Variants in YES1 observed in about 807,000 individuals in gnomAD.
YES1 encodes the protein YES proto-oncogene 1, Src family tyrosine kinase.
A neutral mutation model predicts 70.4 loss-of-function variants in YES1; 39 were observed. The ratio of observed to expected loss-of-function variants is 0.55; its 90% confidence interval spans 0.43 to 0.72. YES1 has a LOEUF of 0.72. Ranked by LOEUF, YES1 falls within the 30% of genes least tolerant of loss-of-function variation. The probability of loss-of-function intolerance (pLI) is 0.00; values close to 1 mark genes in which losing one functional copy is unlikely to be tolerated. For missense variants in YES1, 495 were observed against 644.8 expected, an observed-to-expected ratio of 0.77 and a Z score of 2.52; for synonymous variants, 198 against 218.6, an observed-to-expected ratio of 0.91 and a Z score of 0.83.
At position 751,822 on chromosome 18, in the gene YES1, G is replaced by T; in HGVS notation, c.272-18C>A. 2 of 1,377,278 alleles carry T rather than the reference G, an allele frequency of 1.5e-6. No homozygotes were observed. Among genetic ancestry groups the T allele is most frequent in the South Asian group, 1.2e-5 (1 of 80,918 alleles). The allele number at this position is 1,377,278 out of a possible 1,614,324, so 85.3% of individuals were successfully genotyped here. A position where few individuals can be genotyped will look rare whatever the true frequency, so the allele number is the denominator to read the frequency against. ...AACACCACCTATCAGAGGGAAAAAA[G>T]ACCAAGGTAAATTATGTAGCTAACT... On this transcript the variant is annotated intron_variant, in intron 2 of 11. Coordinates refer to ENST00000314574, the MANE Select transcript of YES1 (RefSeq NM_005433.4).
At chr18:757,597 G>T (rs1468765046) in intron 1 of YES1, among the ~76,000 whole-genome samples, 1 of 151,712 alleles carries the variant, frequency 6.6e-6, no homozygotes, top group South Asian at 2.1e-4. Context: ...TAGGCGGACC[G>T]ATCACTTGAG....
At chr18:732,520 G>A (rs966844851) in intron 11 of YES1, among the ~76,000 whole-genome samples, 1 of 151,518 alleles carries the variant, frequency 6.6e-6, no homozygotes, top group Non-Finnish European at 1.5e-5. Context: ...GATGAGCCAG[G>A]ATATTTAAGA....
At chr18:754,404 A>T (rs1398466881) in intron 2 of YES1, among the ~76,000 whole-genome samples, 1 of 151,986 alleles carries the variant, frequency 6.6e-6, no homozygotes, top group Non-Finnish European at 1.5e-5. Flanking sequence ...GGTCATTCTC[A>T]CTTATCAAAT....
chr18:745,966 C>G lies in YES1; in HGVS notation c.556G>C (p.Glu186Gln). The stretch of plus-strand genomic sequence containing the variant: ...TTCATACCTTTAGTTGTTTCACTCT[C>G]TCTTACTAAGAAAATACCTCGTTGA... ...GNQRGIFLVRESETTKGAYSL... is the reference protein window; with the variant it reads ...GNQRGIFLVRQSETTKGAYSL... The change falls in exon 5 of 12, where the codon GAG becomes CAG. Residue 186 changes from glutamate (E) to glutamine (Q), a missense_variant. By Grantham distance (29) the Glu-to-Gln change is conservative. This residue lies in a region of YES1 where 385 missense variants were observed against 540.9 expected (regional missense o/e 0.71). Coordinates refer to ENST00000314574, the MANE Select transcript of YES1 (RefSeq NM_005433.4). 2 of 1,612,734 alleles carry G rather than the reference C, an allele frequency of 1.2e-6. No homozygotes were observed. The highest frequency in any genetic ancestry group is 1.7e-6 in the Non-Finnish European group (2 of 1,179,266).
rs199707539 is a variant in YES1, at chr18:736,830, G to T, written c.1269C>A (p.Asp423Glu). ...ADFGLARLIE[D>E]NEYTARQGAK... ...TACCTTGTCTTGCTGTGTATTCATT[G>T]TCTTCAATTAACCTTGCTAAACCAA... Residue 423 changes from aspartate (D) to glutamate (E), a missense_variant, in exon 10 of 12, where the codon GAC becomes GAA. By Grantham distance (45) the Asp-to-Glu change is conservative (BLOSUM62 2). Transcript: ENST00000314574. 1 of 1,611,758 alleles carries T rather than the reference G, an allele frequency of 6.2e-7. No homozygotes were observed. Among genetic ancestry groups the T allele is most frequent in the East Asian group, 2.2e-5 (1 of 44,820 alleles).
At chr18:734,201 C>A (rs532497487) in intron 10 of YES1, among the ~76,000 whole-genome samples, 3 of 151,268 alleles carry the variant, frequency 2.0e-5, no homozygotes, top group Admixed American at 6.6e-5. Flanking sequence ...ATTGCTTGAA[C>A]CTGGGGGGCA....
chr18:743,078 C>G lies in YES1; in HGVS notation c.900G>C (p.Thr300=). The change falls in exon 8 of 12, where the codon ACG becomes ACC. Residue 300 remains threonine, a synonymous_variant. Transcript: ENST00000314574. ...EVWMGTWNGT[T]KVAIKTLKPG... Reference sequence around the variant, plus strand: ...GTTTTAGTGTTTTGATTGCTACTTTCGTGGTTCCATTCCATGTTCCTAAAG... The same window carrying G: ...GTTTTAGTGTTTTGATTGCTACTTTGGTGGTTCCATTCCATGTTCCTAAAG... 6.3e-7 allele frequency: 1 copy of G among 1,596,928 alleles called. No homozygotes were observed. Among genetic ancestry groups the G allele is most frequent in the Non-Finnish European group, 8.5e-7 (1 of 1,175,352 alleles).
At chr18:789,963 CAGG>C (rs1906158494) in intron 1 of YES1, among the ~76,000 whole-genome samples, 1 of 152,158 alleles carries the variant, frequency 6.6e-6, no homozygotes, top group Admixed American at 6.5e-5. Context: ...GAGGCTGAGG[CAGG>C]AGAACTGCTT....
At chr18:754,784 C>A (rs62088299) in intron 2 of YES1, among the ~76,000 whole-genome samples, 13,379 of 151,850 alleles carry the variant, frequency 0.088, 743 homozygotes, top group East Asian at 0.27. Context: ...AACTGCAGGG[C>A]CTTCACCATC....
Position 742,922 on chromosome 18 carries a change from T to C in YES1, c.1056A>G (p.Ser352=), listed in dbSNP as rs2080232084. The change falls in exon 8 of 12, where the codon TCA becomes TCG. Residue 352 remains serine (S), a synonymous_variant. Coordinates refer to ENST00000314574, the MANE Select transcript of YES1 (RefSeq NM_005433.4). ...TAAGGAGATACTAATACATACCTTTTGACATAAATTCAGTGACAATGTAAA... is the reference window on the plus strand; with the variant it reads ...TAAGGAGATACTAATACATACCTTTCGACATAAATTCAGTGACAATGTAAA... The part of the protein sequence containing the change: ...EPIYIVTEFM[S]KGSLLDFLKE... The C allele has an allele frequency of 3.2e-6, 5 of 1,586,838 alleles. No individual in the cohort carries two copies. The South Asian group carries it at 4.7e-5, about 15-fold the overall frequency.
intron 1 of YES1, chr18:798,143 A>G (rs1451410069): frequency 6.6e-6 from 1 of 151,998 alleles, no homozygotes; most frequent in East Asian, 1.9e-4. Context: ...TGTATTGTCT[A>G]TTTTCTTTTT....
rs184494406 is a variant in YES1 at position 722,780 on chromosome 18, C to T, written c.*1644G>A. On this transcript the variant is annotated 3_prime_UTR_variant, in exon 12 of 12. Coordinates refer to ENST00000314574, the MANE Select transcript of YES1 (RefSeq NM_005433.4). ...TGTATTCTAAAAGGGAAAAAATGAC[C>T]ACCATTACATAGACTTTAGAAGTGA... 2 of 152,244 alleles carry T rather than the reference C, an allele frequency of 1.3e-5. No individual in the cohort carries two copies. The highest frequency in any genetic ancestry group is 1.9e-4 in the East Asian group (1 of 5,174). The allele number at this position is 152,244 out of a possible 1,614,324, so 9.4% of individuals were successfully genotyped here. A position where few individuals can be genotyped will look rare whatever the true frequency, so the allele number is the denominator to read the frequency against.
In YES1 at chr18:747,955, A is replaced by G; in HGVS notation, c.435T>C (p.Asn145=). Residue 145 remains asparagine, a synonymous_variant, in exon 4 of 12, where the codon AAT becomes AAC. Transcript: ENST00000314574. The part of the protein sequence containing the change: ...ATGKNGYIPS[N]YVAPADSIQA... ...GAATGGAATCTGCAGGCGCTACATA[A>G]TTGCTCGGGATATAACCATTCTTTC... 6.2e-7 allele frequency: 1 copy of G among 1,613,818 alleles called. No homozygotes were observed. Among genetic ancestry groups the G allele is most frequent in the South Asian group, 1.1e-5 (1 of 91,076 alleles).
At position 731,966 on chromosome 18, in the gene YES1, C is replaced by CAAAAAAAAAAAA. The variant is rs1165333694; in HGVS notation, c.1423+856_1423+867dup. ...TGGGCGACAGAGCGAGACTCCATTT[C>CAAAAAAAAAAAA]AAAAAAAAAAAAAAAAAAAAAGTCT... On this transcript the variant is annotated intron_variant, in intron 11 of 11. Coordinates refer to ENST00000314574, the MANE Select transcript of YES1 (RefSeq NM_005433.4). 9.6e-4 allele frequency among the ~76,000 whole-genome samples: 77 copies of CAAAAAAAAAAAA among 79,966 alleles called. 3 individuals are homozygous for CAAAAAAAAAAAA. The highest frequency in any genetic ancestry group is 3.5e-3 in the African/African-American group (71 of 20,078). 52.5% of individuals were successfully genotyped at this position (79,966 alleles called of 152,430 possible).
At chr18:743,437 A>G (rs201911630) in intron 6 of YES1, 22 bp from the exon 7 acceptor site, 5 of 1,581,986 alleles carry the variant, frequency 3.2e-6, no homozygotes, top group Non-Finnish European at 4.3e-6. Flanking sequence ...AATAAACTAT[A>G]CTGTAATATC....
chr18:775,260 C>T (rs1383485602), intron 1 of YES1: 2 of 152,120 alleles, frequency 1.3e-5, no homozygotes, highest in Non-Finnish European at 2.9e-5. Flanking sequence ...TGGCTCTCTT[C>T]CACAGCATGT....
intron 9 of YES1, 186 bp from the exon 10 acceptor site, chr18:737,147 T>A: frequency 1.8e-6 from 1 of 560,734 alleles, no homozygotes. Flanking sequence ...GCAGGCTAAA[T>A]TCAGATTTCA....
At chr18:787,127 C>T (rs1383027821) in intron 1 of YES1, among the ~76,000 whole-genome samples, 3 of 106,594 alleles carry the variant, frequency 2.8e-5, no homozygotes, top group Non-Finnish European at 5.1e-5. Context: ...GACAGAGTCT[C>T]GCTCTGTGGC....
In YES1 at chr18:740,604, A is replaced by C. The variant is rs536407216; in HGVS notation, c.1061-793T>G. Among the ~76,000 whole-genome samples, 3 of 152,334 alleles carry C rather than the reference A, an allele frequency of 2.0e-5. No individual in the cohort carries two copies. The South Asian group carries it at 6.2e-4, about 32-fold the overall frequency. ...AAATCATGAAAACAAAGAGCAGAAC[A>C]GTGGGTTTATGCTGGAGTGCATGGG... is the stretch of plus-strand genomic sequence containing the variant. On this transcript the variant is annotated intron_variant, in intron 8 of 11. Transcript: ENST00000314574.
Sources: gnomAD v4.1 joint callset for allele counts (sites outside exome capture counted in the v4.1 genomes callset) on GRCh38, gnomAD v4.1.1 for gene constraint, gnomAD v4.1.1 regional missense constraint, MANE v1.5 for transcripts, NCBI Gene and HGNC (gene_info 2026-07-23, HGNC 2026-07-21) for gene names.